Variants in GABRR3 observed in about 807,000 individuals in gnomAD.
GABRR3 encodes gamma-aminobutyric acid type A receptor subunit rho3.
GABRR3 carries 29 observed loss-of-function variants against 43.2 expected under a neutral mutation model. That is an observed-to-expected ratio of 0.67 (90% CI 0.50 to 0.92). The LOEUF is 0.92. Ranked by LOEUF, GABRR3 falls within the 40% of genes least tolerant of loss-of-function variation. The probability of loss-of-function intolerance (pLI) is 0.00; values close to 1 mark genes in which losing one functional copy is unlikely to be tolerated. For synonymous variants in GABRR3, 206 were observed against 195.9 expected (o/e 1.05, Z -0.43); for missense variants, 576 against 572.3 (o/e 1.01, Z -0.07).
intron 8 of GABRR3, among the ~76,000 whole-genome samples, chr3:97,995,405 A>G (rs368499802): frequency 1.3e-5 from 2 of 152,216 alleles, no homozygotes; most frequent in Non-Finnish European, 2.9e-5. Context: ...ACACAAATGT[A>G]TATGCCTGAT....
downstream of GABRR3, chr3:97,986,618 A>G: frequency 1.8e-6 from 2 of 1,103,722 alleles, no homozygotes; most frequent in Non-Finnish European, 2.6e-6. Flanking sequence ...TATCCAACTC[A>G]TATTCAAGAG....
rs750129599 is a variant in GABRR3 at position 98,025,600 on chromosome 3, C to T, written c.205G>A (p.Asp69Asn). ...CCAGGTCTCATTGCGAAATCGTTGT[C>T]CTCTATATGGAGAAGTTGCTCATAT... Residue 69 changes from aspartate (D) to asparagine (N), a missense_variant, in exon 3 of 10, where the codon GAC (aspartate) becomes AAC (asparagine). Asp to Asn is a conservative substitution (Grantham distance 23, BLOSUM62 1). Transcript: ENST00000621172. The T allele has an allele frequency of 3.1e-6, 5 of 1,612,224 alleles. No homozygotes were observed. The highest frequency in any genetic ancestry group is 3.4e-6 in the Non-Finnish European group (4 of 1,179,162).
intron 9 of GABRR3, among the ~76,000 whole-genome samples, chr3:97,990,900 T>C (rs989260866): frequency 1.3e-5 from 2 of 151,772 alleles, no homozygotes; most frequent in East Asian, 3.9e-4. Context: ...ACTACTGAAC[T>C]GCACACTTAA....
intron 8 of GABRR3, among the ~76,000 whole-genome samples, chr3:97,993,628 CTGAGTA>C (rs1240060683): frequency 1.3e-5 from 2 of 152,132 alleles, no homozygotes; most frequent in Admixed American, 6.5e-5. Context: ...TCCATTGATT[CTGAGTA>C]TAAGTGTGCT....
chr3:98,034,461 C>G (rs1707127024), intron 2 of GABRR3, among the ~76,000 whole-genome samples: 1 of 151,884 alleles, frequency 6.6e-6, no homozygotes, highest in African/African-American at 2.4e-5. Flanking sequence ...AACTATATAC[C>G]CTAGAAATAC....
intron 9 of GABRR3, among the ~76,000 whole-genome samples, chr3:97,992,475 T>C (rs1202085177): frequency 6.6e-6 from 1 of 152,218 alleles, no homozygotes; most frequent in Non-Finnish European, 1.5e-5. Context: ...ATATGTTACA[T>C]GGTTGGTATG....
intron 3 of GABRR3, among the ~76,000 whole-genome samples, chr3:98,018,671 T>C (rs947964993): frequency 1.3e-5 from 2 of 152,232 alleles, no homozygotes; most frequent in African/African-American, 4.8e-5. Context: ...ATATGTAGTC[T>C]TTTATATGTT....
At position 97,995,874 on chromosome 3, in the gene GABRR3, G is replaced by A. The variant is rs114916967; in HGVS notation, c.908-2826C>T. On this transcript the variant is annotated intron_variant, in intron 8 of 9. Transcript: ENST00000621172. ...AACCATTTAGTCAAAGGAAGGTCATGTGTTTGGATTAGAAAATTATCTTCC... is the reference window on the plus strand; with the variant it reads ...AACCATTTAGTCAAAGGAAGGTCATATGTTTGGATTAGAAAATTATCTTCC... Among the ~76,000 whole-genome samples, 772 of 152,342 alleles carry A rather than the reference G, an allele frequency of 5.1e-3. 6 individuals carry two copies. The highest frequency in any genetic ancestry group is 0.017 in the African/African-American group (706 of 41,586).
downstream of GABRR3, among the ~76,000 whole-genome samples, chr3:97,985,281 C>T (rs893820628): frequency 1.3e-5 from 2 of 152,134 alleles, no homozygotes; most frequent in Non-Finnish European, 2.9e-5. Context: ...GGAGGTTTTC[C>T]TACTTAACAA....
chr3:98,016,714 A>C (rs1706876696), intron 4 of GABRR3, among the ~76,000 whole-genome samples: 2 of 152,202 alleles, frequency 1.3e-5, no homozygotes, highest in Admixed American at 6.5e-5. Flanking sequence ...GTGAGTAAAA[A>C]GGAAATATAT....
At chr3:97,993,164 G>C (rs1185759836) in intron 8 of GABRR3, 116 bp from the exon 9 acceptor site, 2 of 734,652 alleles carry the variant, frequency 2.7e-6, no homozygotes, top group Non-Finnish European at 4.2e-6. Flanking sequence ...TGATCCAAGA[G>C]GAGGGAAGGT....
intron 2 of GABRR3, among the ~76,000 whole-genome samples, chr3:98,030,008 A>G (rs2107252314): frequency 6.6e-6 from 1 of 151,884 alleles, no homozygotes; most frequent in Middle Eastern, 3.4e-3. Flanking sequence ...TCATCTACTC[A>G]GGAGGCCGAG....
chr3:98,034,586 C>T (rs918766267), intron 2 of GABRR3, among the ~76,000 whole-genome samples: 2 of 152,090 alleles, frequency 1.3e-5, no homozygotes, highest in African/African-American at 4.8e-5. Flanking sequence ...TGAAGAAATA[C>T]ATTCTCTGAA....
chr3:98,023,968 T>TG (rs1706981364), intron 3 of GABRR3, among the ~76,000 whole-genome samples: 1 of 152,204 alleles, frequency 6.6e-6, no homozygotes, highest in African/African-American at 2.4e-5. Context: ...TCAGAGACTC[T>TG]GGGGGTGGAA....
intron 3 of GABRR3, among the ~76,000 whole-genome samples, chr3:98,020,864 CTTTTTCTT>C (rs1406190323): frequency 1.5e-4 from 20 of 129,502 alleles, no homozygotes; most frequent in South Asian, 1.0e-3. Flanking sequence ...TTTTCTTTTT[CTTTTTCTT>C]TTTTTTTTTT....
At chr3:98,018,835 C>A (rs113667782) in intron 3 of GABRR3, among the ~76,000 whole-genome samples, 1 of 151,998 alleles carries the variant, frequency 6.6e-6, no homozygotes, top group South Asian at 2.1e-4. Flanking sequence ...TTAGGCCGGG[C>A]GTGGTGGCTC....
At chr3:98,031,527 T>C (rs1239440199) in intron 2 of GABRR3, among the ~76,000 whole-genome samples, 1 of 151,998 alleles carries the variant, frequency 6.6e-6, no homozygotes, top group African/African-American at 2.4e-5. Context: ...GGAGGATCAT[T>C]TGAGGCCAGG....
chr3:98,001,580 A>G, intron 8 of GABRR3, 35 bp downstream of exon 8: 1 of 1,609,272 alleles, frequency 6.2e-7, no homozygotes, highest in Non-Finnish European at 8.5e-7. Flanking sequence ...ACTTTCTCCC[A>G]TGTTAACATT....
intron 3 of GABRR3, among the ~76,000 whole-genome samples, chr3:98,023,345 A>T (rs1420689754): frequency 6.6e-6 from 1 of 152,102 alleles, no homozygotes; most frequent in Admixed American, 6.6e-5. Flanking sequence ...AGGTTTTTGA[A>T]TTCGTGTTGA....
Sources: allele counts gnomAD v4.1 joint callset (sites outside exome capture counted in the v4.1 genomes callset), GRCh38; gene constraint gnomAD v4.1.1; transcripts MANE v1.5; gene names NCBI Gene and HGNC (gene_info 2026-07-23, HGNC 2026-07-21).